Variants in TMPRSS11B observed in about 807,000 individuals in gnomAD.
TMPRSS11B encodes the protein transmembrane serine protease 11B, also known as transmembrane protease serine 11B.
Under a neutral mutation model 44.7 loss-of-function variants are expected in TMPRSS11B, and 53 were observed. The ratio of observed to expected loss-of-function variants is 1.19; its 90% CI spans 0.95 to 1.49. The LOEUF (loss-of-function observed/expected upper bound fraction) is 1.49. Ranked by LOEUF, TMPRSS11B falls within the 40% of genes most tolerant of loss-of-function variation. TMPRSS11B has a pLI of 0.00. For missense variants in TMPRSS11B, 526 were observed against 494.8 expected (o/e 1.06, Z -0.60); for synonymous variants, 140 against 159.2 (o/e 0.88, Z 0.91).
At chr4:68,239,303 C>G (rs975547959) in intron 2 of TMPRSS11B, among the ~76,000 whole-genome samples, 2 of 152,122 alleles carry the variant, frequency 1.3e-5, no homozygotes, top group Non-Finnish European at 2.9e-5. Flanking sequence ...CTCTCTCGCT[C>G]TCTCTCTCTT....
intron 7 of TMPRSS11B, chr4:68,229,734 T>A: frequency 2.3e-6 from 1 of 426,622 alleles, no homozygotes; most frequent in Admixed American, 4.0e-5. Flanking sequence ...TTTCTGAAGA[T>A]CTTTTCAAGT....
intron 4 of TMPRSS11B, 87 bp from the exon 5 acceptor site, chr4:68,234,710 T>C: frequency 7.3e-7 from 1 of 1,376,336 alleles, no homozygotes; most frequent in Non-Finnish European, 1.0e-6. Context: ...ATTTTAATTA[T>C]CACATTTTCT....
chr4:68,232,615 G>T (rs1719547696), intron 5 of TMPRSS11B, among the ~76,000 whole-genome samples, 199 bp from the exon 6 acceptor site: 2 of 152,052 alleles, frequency 1.3e-5, no homozygotes, highest in South Asian at 4.1e-4. Context: ...CTACTAGGTA[G>T]CCTAGAAAAA....
Position 68,229,520 on chromosome 4 carries a change from G to A in TMPRSS11B, c.687-4C>T, listed in dbSNP as rs1719452841. On this transcript the variant is annotated splice_polypyrimidine_tract_variant and splice_region_variant and intron_variant, in intron 7 of 9. Coordinates refer to ENST00000332644, the MANE Select transcript of TMPRSS11B (RefSeq NM_182502.3). ...CCAATCTTTTGAATTATTTTTCCTA[G>A]AGGACACAATGTAATTAGAATACAC... 2 of 1,609,440 alleles carry A rather than the reference G, an allele frequency of 1.2e-6. No homozygotes were observed. The highest frequency in any genetic ancestry group is 8.5e-7 in the Non-Finnish European group (1 of 1,177,308).
At chr4:68,234,382 T>C (rs1253605242) in intron 5 of TMPRSS11B, 81 bp downstream of exon 5, 9 of 1,451,614 alleles carry the variant, frequency 6.2e-6, no homozygotes, top group Non-Finnish European at 8.4e-6. Context: ...CTAAAACTCT[T>C]AGTTCACTTT....
At chr4:68,243,673 C>T (rs999074229) in intron 1 of TMPRSS11B, among the ~76,000 whole-genome samples, 1 of 152,012 alleles carries the variant, frequency 6.6e-6, no homozygotes, top group South Asian at 2.1e-4. Flanking sequence ...CTTTTAATGA[C>T]TATAAAAGTG....
At chr4:68,229,687 C>T in intron 7 of TMPRSS11B, 171 bp from the exon 8 acceptor site, 1 of 555,102 alleles carries the variant, frequency 1.8e-6, no homozygotes, top group African/African-American at 1.9e-5. Context: ...ATGTTGCAGT[C>T]ACTTAAAAAT....
intron 2 of TMPRSS11B, among the ~76,000 whole-genome samples, chr4:68,237,403 G>T (rs1719702604): frequency 6.6e-6 from 1 of 152,056 alleles, no homozygotes; most frequent in African/African-American, 2.4e-5. Context: ...AAACATAAGG[G>T]TGCATATGTC....
At chr4:68,233,499 C>A (rs1012970184) in intron 5 of TMPRSS11B, among the ~76,000 whole-genome samples, 8 of 152,006 alleles carry the variant, frequency 5.3e-5, no homozygotes, top group Non-Finnish European at 1.2e-4. Flanking sequence ...GAGGCAAAAT[C>A]TTATCATTTT....
intron 4 of TMPRSS11B, among the ~76,000 whole-genome samples, chr4:68,235,074 G>C (rs1350655136): frequency 2.6e-5 from 4 of 151,986 alleles, no homozygotes; most frequent in Non-Finnish European, 1.5e-5. Flanking sequence ...TTCTTCCTAC[G>C]GTTTTTTTAT....
chr4:68,232,423 G>T lies in TMPRSS11B; in HGVS notation c.470-7C>A. On this transcript the variant is annotated splice_polypyrimidine_tract_variant and splice_region_variant and intron_variant, in intron 5 of 9. Coordinates refer to ENST00000332644, the MANE Select transcript of TMPRSS11B (RefSeq NM_182502.3). ...GAAGCAGCCTTGCTGATTTCTGAAAGTGAAAAACAAAACAAAATATAAAAT... is the reference window on the plus strand; with the variant it reads ...GAAGCAGCCTTGCTGATTTCTGAAATTGAAAAACAAAACAAAATATAAAAT... 2 of 1,610,642 alleles carry T rather than the reference G, an allele frequency of 1.2e-6. No individual in the cohort carries two copies. Among genetic ancestry groups the T allele is most frequent in the East Asian group, 2.2e-5 (1 of 44,688 alleles).
chr4:68,241,406 A>G (rs1479102207), intron 2 of TMPRSS11B, among the ~76,000 whole-genome samples: 1 of 152,138 alleles, frequency 6.6e-6, no homozygotes, highest in Non-Finnish European at 1.5e-5. Flanking sequence ...TAACAATTCA[A>G]CTACAAGCCT....
intron 5 of TMPRSS11B, among the ~76,000 whole-genome samples, chr4:68,233,356 TG>T (rs1182847392): frequency 2.0e-5 from 3 of 152,216 alleles, no homozygotes; most frequent in Admixed American, 6.5e-5. Flanking sequence ...ATTAATTGTC[TG>T]GCTGGAAGAA....
At position 68,229,561 on chromosome 4, in the gene TMPRSS11B, C is replaced by G. The variant is rs201281168; in HGVS notation, c.687-45G>C. Reference sequence around the variant, plus strand: ...TAGAATACACTCAGTTGCTGGGTCACAACACTGTTCTTAGTGGTGATTATC... The same window carrying G: ...TAGAATACACTCAGTTGCTGGGTCAGAACACTGTTCTTAGTGGTGATTATC... On this transcript the variant is annotated intron_variant, in intron 7 of 9. Transcript: ENST00000332644. 62 of 1,555,980 alleles carry G rather than the reference C, an allele frequency of 4.0e-5. No homozygotes were observed. The East Asian group carries it at 1.4e-3, about 35-fold the overall frequency.
chr4:68,242,364 AT>A (rs1474830609), intron 1 of TMPRSS11B, among the ~76,000 whole-genome samples: 8 of 53,228 alleles, frequency 1.5e-4, no homozygotes, highest in Admixed American at 1.5e-3. Flanking sequence ...ATATTATATT[AT>A]ATATAATATT....
chr4:68,245,012 T>C (rs571090673), intron 1 of TMPRSS11B, among the ~76,000 whole-genome samples: 74 of 152,290 alleles, frequency 4.9e-4, no homozygotes, highest in African/African-American at 1.8e-3. Context: ...CCTCTATTCT[T>C]CACTTTCTCC....
chr4:68,236,872 G>C (rs1719682789), intron 2 of TMPRSS11B, among the ~76,000 whole-genome samples: 3 of 151,404 alleles, frequency 2.0e-5, no homozygotes, highest in Admixed American at 2.0e-4. Context: ...CTGCTGGCCT[G>C]GTTTCCATTC....
chr4:68,242,325 AATATTATAT>A (rs1560445621), intron 1 of TMPRSS11B, among the ~76,000 whole-genome samples: 2 of 64,360 alleles, frequency 3.1e-5, no homozygotes, highest in Admixed American at 2.6e-4. Context: ...TTATATATAT[AATATTATAT>A]TATATATATA....
In TMPRSS11B at chr4:68,229,274, C is replaced by T. The variant is rs375640835; in HGVS notation, c.929G>A (p.Gly310Glu). Residue 310 changes from glycine (G) to glutamate (E), a missense_variant, in exon 8 of 10, where the codon GGA becomes GAA. Physicochemically the swap from Gly to Glu is moderately conservative, Grantham distance 98. Coordinates refer to ENST00000332644, the MANE Select transcript of TMPRSS11B (RefSeq NM_182502.3). ...ENDNVVVTGW[G>E]TLYMNGSFPV... ...AAACTTACCATTCATATAAAGTGTT[C>T]CCCAACCTGTAACTACAACATTGTC... 3 of 1,608,054 alleles carry T rather than the reference C, an allele frequency of 1.9e-6. No homozygotes were observed. The African/African-American group carries it at 4.0e-5, about 22-fold the overall frequency.
Sources: gnomAD v4.1 joint callset for allele counts (sites outside exome capture counted in the v4.1 genomes callset) on GRCh38, gnomAD v4.1.1 for gene constraint, MANE v1.5 for transcripts, NCBI Gene and HGNC (gene_info 2026-07-23, HGNC 2026-07-21) for gene names.